The following EPB41L4B variants were observed in gnomAD, a reference collection of about 807,000 sequenced individuals.
EPB41L4B encodes the protein erythrocyte membrane protein band 4.1 like 4B, also known as band 4.1-like protein 4B.
EPB41L4B carries 30 observed loss-of-function variants against 112.5 expected under a neutral mutation model. The ratio of observed to expected loss-of-function variants is 0.27; its 90% CI spans 0.20 to 0.36. EPB41L4B has a LOEUF of 0.36. Ranked by LOEUF, EPB41L4B falls within the 10% of genes least tolerant of loss-of-function variation. The pLI, the probability that EPB41L4B is intolerant of heterozygous loss-of-function variation, is 1.00. For synonymous variants in EPB41L4B, 408 were observed against 439.7 expected, an observed-to-expected ratio of 0.93 and a Z score of 0.90; for missense variants, 1,024 against 1,133.3, an observed-to-expected ratio of 0.90 and a Z score of 1.38.
At chr9:109,272,905 G>A (rs1290091171) in intron 2 of EPB41L4B, among the ~76,000 whole-genome samples, 1 of 152,170 alleles carries the variant, frequency 6.6e-6, no homozygotes, top group Non-Finnish European at 1.5e-5. Context: ...GCTGGGGTGT[G>A]GGAGGTGCAG....
intron 15 of EPB41L4B, among the ~76,000 whole-genome samples, chr9:109,235,839 C>T (rs1564284699): frequency 6.6e-6 from 1 of 152,214 alleles, no homozygotes; most frequent in East Asian, 1.9e-4. Context: ...TGATAATTCT[C>T]TTATCAGTGA....
intron 2 of EPB41L4B, among the ~76,000 whole-genome samples, chr9:109,273,856 C>T (rs1253176627): frequency 6.6e-6 from 1 of 152,198 alleles, no homozygotes; most frequent in Non-Finnish European, 1.5e-5. Context: ...TTATACTCTC[C>T]TATGTCCCCT....
rs565722008 is a variant in EPB41L4B, at chr9:109,233,800, A to G, written c.1409+9818T>C. ...ACCAACCTCGGCCTCCCAAAGTGCT[A>G]CGATTACAGGCATGAGCCACCACGC... is the stretch of plus-strand genomic sequence containing the variant. On this transcript the variant is annotated intron_variant, in intron 15 of 25. Coordinates refer to ENST00000374566, the MANE Select transcript of EPB41L4B (RefSeq NM_019114.5). Among the ~76,000 whole-genome samples the G allele has an allele frequency of 5.3e-5, 8 of 152,230 alleles. No homozygotes were observed. The South Asian group carries it at 1.7e-3, about 32-fold the overall frequency.
intron 15 of EPB41L4B, among the ~76,000 whole-genome samples, chr9:109,236,162 G>A (rs191456513): frequency 5.5e-4 from 83 of 152,266 alleles, no homozygotes; most frequent in Non-Finnish European, 1.1e-3. Context: ...GTATACACAC[G>A]CCCAGTCCTT....
At chr9:109,247,924 CTTT>C in intron 13 of EPB41L4B, 135 bp from the exon 14 acceptor site, 1 of 584,288 alleles carries the variant, frequency 1.7e-6, no homozygotes, top group Non-Finnish European at 2.6e-6. Context: ...CACATAATGA[CTTT>C]TTTTTGGTTA....
intron 22 of EPB41L4B, 25 bp from the exon 23 acceptor site, chr9:109,185,630 G>T: frequency 6.4e-7 from 1 of 1,566,566 alleles, no homozygotes; most frequent in South Asian, 1.2e-5. Context: ...AGGAGAGAAG[G>T]GGAGGAGGAG....
At chr9:109,195,953 C>T (rs938551555) in intron 20 of EPB41L4B, among the ~76,000 whole-genome samples, 1 of 152,060 alleles carries the variant, frequency 6.6e-6, no homozygotes, top group Non-Finnish European at 1.5e-5. Flanking sequence ...ATGATAAAGT[C>T]ATAAAACAAC....
intron 19 of EPB41L4B, 47 bp downstream of exon 19, chr9:109,203,613 TTGA>T: frequency 1.4e-6 from 2 of 1,402,570 alleles, no homozygotes; most frequent in Non-Finnish European, 2.0e-6. Flanking sequence ...AAGGATAATG[TTGA>T]TGATACAGAG....
rs570526217 is a variant in EPB41L4B at position 109,251,666 on chromosome 9, C to T, written c.1280-155G>A. Among the ~76,000 whole-genome samples the T allele has an allele frequency of 3.3e-5, 5 of 152,342 alleles. No individual in the cohort carries two copies. The East Asian group carries it at 9.6e-4, about 29-fold the overall frequency. On this transcript the variant is annotated intron_variant, in intron 12 of 25. Transcript: ENST00000374566. ...GCATGGTGGCTACTTCTCCTTTCCT[C>T]AGGGAGAGTAAACTACCCCTCCCTC... is the stretch of plus-strand genomic sequence containing the variant.
intron 1 of EPB41L4B, among the ~76,000 whole-genome samples, chr9:109,302,073 T>G (rs1384318542): frequency 2.0e-5 from 3 of 152,064 alleles, no homozygotes; most frequent in Non-Finnish European, 2.9e-5. Flanking sequence ...ACTTTCAACA[T>G]CCCCAGAGAA....
intron 20 of EPB41L4B, among the ~76,000 whole-genome samples, chr9:109,197,305 C>G (rs1032822726): frequency 3.3e-5 from 5 of 152,138 alleles, no homozygotes; most frequent in African/African-American, 9.7e-5. Flanking sequence ...CGCCTGTAAT[C>G]CCAGCTACTC....
At position 109,177,232 on chromosome 9, in the gene EPB41L4B, C is replaced by G. The variant is rs1022157002; in HGVS notation, c.2488-536G>C. ...GTTTTTCATTACTGTAGCAGTGGTT[C>G]CCAAAGTATGGGCCCCAGACTAGCA... On this transcript the variant is annotated intron_variant, in intron 24 of 25. Coordinates refer to ENST00000374566, the MANE Select transcript of EPB41L4B (RefSeq NM_019114.5). 3.3e-5 allele frequency among the ~76,000 whole-genome samples: 5 copies of G among 152,176 alleles called. No homozygotes were observed. In the South Asian group the frequency reaches 6.2e-4, roughly 19 times the overall value.
chr9:109,212,089 CA>C (rs977571230), intron 17 of EPB41L4B, among the ~76,000 whole-genome samples: 1 of 152,160 alleles, frequency 6.6e-6, no homozygotes, highest in African/African-American at 2.4e-5. Flanking sequence ...CGATAACCCA[CA>C]GGTGTCTCAG....
At chr9:109,319,892 G>A (rs772067464) in intron 1 of EPB41L4B, among the ~76,000 whole-genome samples, 4 of 152,146 alleles carry the variant, frequency 2.6e-5, no homozygotes, top group Non-Finnish European at 5.9e-5. Flanking sequence ...CTAGGTGGGC[G>A]CCAGAGAAAT....
At chr9:109,214,190 A>T (rs1833282771) in intron 16 of EPB41L4B, among the ~76,000 whole-genome samples, 1 of 152,248 alleles carries the variant, frequency 6.6e-6, no homozygotes, top group African/African-American at 2.4e-5. Flanking sequence ...TGGAAAGATT[A>T]GTGTTCAGGC....
intron 18 of EPB41L4B, among the ~76,000 whole-genome samples, chr9:109,207,060 G>A (rs916396609): frequency 3.3e-5 from 5 of 152,216 alleles, no homozygotes; most frequent in African/African-American, 9.6e-5. Flanking sequence ...CCACAGGCAT[G>A]TCTTAAGAGC....
At chr9:109,190,220 T>G (rs1330776462) in intron 22 of EPB41L4B, among the ~76,000 whole-genome samples, 1 of 152,018 alleles carries the variant, frequency 6.6e-6, no homozygotes, top group African/African-American at 2.4e-5. Context: ...GCCTCAGGAG[T>G]CTCATCCAGT....
At chr9:109,288,320 C>T (rs574651347) in intron 1 of EPB41L4B, among the ~76,000 whole-genome samples, 70 of 152,232 alleles carry the variant, frequency 4.6e-4, no homozygotes, top group Non-Finnish European at 8.4e-4. Context: ...TGATGGCTCA[C>T]GTCTATAATC....
chr9:109,226,748 TATG>T (rs200343280), intron 15 of EPB41L4B, among the ~76,000 whole-genome samples: 15,098 of 107,686 alleles, frequency 0.14, 1,064 homozygotes, highest in South Asian at 0.2. Flanking sequence ...AGAATATATA[TATG>T]AAGAATATAT....
Sources: allele counts gnomAD v4.1 joint callset (sites outside exome capture counted in the v4.1 genomes callset), GRCh38; gene constraint gnomAD v4.1.1; transcripts MANE v1.5; gene names NCBI Gene and HGNC (gene_info 2026-07-23, HGNC 2026-07-21).